The following CHODL variants were observed in gnomAD, a reference collection of about 807,000 sequenced individuals.
The protein encoded by CHODL is transmembrane protein MT75.
Under a neutral mutation model 34.5 loss-of-function variants are expected in CHODL, and 29 were observed. The ratio of observed to expected loss-of-function variants is 0.84; its 90% CI spans 0.63 to 1.15. The LOEUF (loss-of-function observed/expected upper bound fraction) is 1.15. Ranked by LOEUF, CHODL falls within the 50% of genes most tolerant of loss-of-function variation. The pLI is 0.00. For synonymous variants in CHODL, 125 were observed against 116.1 expected (o/e 1.08, Z -0.49); for missense variants, 332 against 332.5 (o/e 1.00, Z 0.01).
intron 1 of CHODL, among the ~76,000 whole-genome samples, chr21:17,918,882 C>T (rs2063162097): frequency 6.6e-6 from 1 of 152,186 alleles, no homozygotes. Flanking sequence ...TGCAGCCATT[C>T]CAAATGGGTG....
At chr21:17,963,817 C>G (rs200804) in intron 1 of CHODL, among the ~76,000 whole-genome samples, 1 of 151,844 alleles carries the variant, frequency 6.6e-6, no homozygotes, top group African/African-American at 2.4e-5. Context: ...TCCTCTGTCT[C>G]TCTTATATTC....
In CHODL at chr21:18,256,993, C is replaced by A. The variant is rs938855145; in HGVS notation, c.413C>A (p.Ser138Tyr). The A allele has an allele frequency of 1.7e-5, 27 of 1,613,388 alleles. No individual in the cohort carries two copies. The Admixed American group carries it at 4.3e-4, about 26-fold the overall frequency. Reference protein sequence around the residue: ...QYRNWYTDEPSCGSEKCVVMY... With the variant: ...QYRNWYTDEPYCGSEKCVVMY... Reference sequence around the variant, plus strand: ...AGAAACTGGTACACAGATGAACCTTCCTGCGGAAGTGAAAAGTGTGTTGTG... The same window carrying A: ...AGAAACTGGTACACAGATGAACCTTACTGCGGAAGTGAAAAGTGTGTTGTG... The change falls in exon 3 of 6, where the codon TCC (serine) becomes TAC (tyrosine). Residue 138 changes from serine to tyrosine, a missense_variant. Coordinates refer to ENST00000299295, the MANE Select transcript of CHODL (RefSeq NM_024944.3).
intron 2 of CHODL, among the ~76,000 whole-genome samples, chr21:18,216,698 A>G (rs968966509): frequency 2.6e-5 from 4 of 152,318 alleles, no homozygotes; most frequent in Non-Finnish European, 5.9e-5. Flanking sequence ...ACAGTTCCAC[A>G]TGGCTGGGGA....
At chr21:18,232,574 C>A (rs180764778) in intron 2 of CHODL, among the ~76,000 whole-genome samples, 6 of 151,886 alleles carry the variant, frequency 4.0e-5, no homozygotes, top group African/African-American at 1.5e-4. Flanking sequence ...CTTAGGTACC[C>A]ACAATATTGT....
intron 2 of CHODL, among the ~76,000 whole-genome samples, chr21:18,191,170 T>C (rs1474437820): frequency 6.6e-6 from 1 of 152,214 alleles, no homozygotes; most frequent in Non-Finnish European, 1.5e-5. Flanking sequence ...TATTAATTAA[T>C]TTTATTATCA....
At chr21:17,944,580 C>G (rs1229401083) in intron 1 of CHODL, among the ~76,000 whole-genome samples, 1 of 152,176 alleles carries the variant, frequency 6.6e-6, no homozygotes, top group Non-Finnish European at 1.5e-5. Flanking sequence ...TAGGGCCCAA[C>G]CTGCAGCCAT....
intron 1 of CHODL, among the ~76,000 whole-genome samples, chr21:17,927,892 C>T (rs1030961600): frequency 6.6e-6 from 1 of 152,168 alleles, no homozygotes; most frequent in Admixed American, 6.5e-5. Context: ...CTTCCACCTA[C>T]GCAACACACA....
rs369056738 is a variant in CHODL at position 18,127,779 on chromosome 21, C to A, written c.-45+99808C>A. Reference sequence around the variant, plus strand: ...GGGCACAGCTTATCTTTATCTTCTGCTCAGAGTCTCACAAAACTGCAGTTG... The same window carrying A: ...GGGCACAGCTTATCTTTATCTTCTGATCAGAGTCTCACAAAACTGCAGTTG... On this transcript the variant is annotated intron_variant, in intron 2 of 6. Coordinates refer to the CHODL transcript ENST00000400127. Among the ~76,000 whole-genome samples the A allele has an allele frequency of 5.1e-4, 72 of 140,176 alleles. 1 individual carries two copies. In the South Asian group the frequency reaches 0.015, roughly 29 times the overall value. The allele number at this position is 140,176 out of a possible 152,430, so 92.0% of individuals were successfully genotyped here. A position where few individuals can be genotyped will look rare whatever the true frequency, so the allele number is the denominator to read the frequency against.
At chr21:18,014,132 CAG>C (rs2064048366) in intron 1 of CHODL, among the ~76,000 whole-genome samples, 1 of 151,992 alleles carries the variant, frequency 6.6e-6, no homozygotes, top group South Asian at 2.1e-4. Context: ...TTGAGGGTGA[CAG>C]AGTCATGTGG....
At chr21:18,142,955 C>T (rs2072820351) in intron 2 of CHODL, among the ~76,000 whole-genome samples, 1 of 152,058 alleles carries the variant, frequency 6.6e-6, no homozygotes, top group Non-Finnish European at 1.5e-5. Context: ...GTTTTAGAAT[C>T]CCAGGATAAT....
Position 18,265,962 on chromosome 21 carries a change from G to T in CHODL, c.746G>T (p.Arg249Ile), listed in dbSNP as rs754898068. Residue 249 changes from arginine to isoleucine, a missense_variant, in exon 6 of 6, where the codon AGA becomes ATA. By Grantham distance (97) the Arg-to-Ile change is moderately conservative. Coordinates refer to ENST00000299295, the MANE Select transcript of CHODL (RefSeq NM_024944.3). ...CFQMLHKSKG[R>I]TKTSPNQSTL... ...TTTCTTATGTTTTTCAGTAAAGGAA[G>T]AACAAAAACTAGTCCAAACCAGTCT... 7 of 1,609,600 alleles carry T rather than the reference G, an allele frequency of 4.3e-6. No homozygotes were observed. The South Asian group carries it at 7.8e-5, about 18-fold the overall frequency.
chr21:18,017,162 G>A (rs2064083106), intron 1 of CHODL, among the ~76,000 whole-genome samples: 1 of 152,178 alleles, frequency 6.6e-6, no homozygotes, highest in Non-Finnish European at 1.5e-5. Flanking sequence ...GCATGATTGT[G>A]TTTTGAAATG....
intron 1 of CHODL, among the ~76,000 whole-genome samples, chr21:17,953,102 A>C (rs1195469657): frequency 6.6e-6 from 1 of 152,216 alleles, no homozygotes; most frequent in African/African-American, 2.4e-5. Flanking sequence ...GCCAAAACAT[A>C]TCAAGCAATA....
Position 18,245,042 on chromosome 21 carries a change from C to A in CHODL, c.-182C>A. 1 of 501,334 alleles carries A rather than the reference C, an allele frequency of 2.0e-6. No individual in the cohort carries two copies. Among genetic ancestry groups the A allele is most frequent in the Non-Finnish European group, 3.4e-6 (1 of 294,268 alleles). 31.1% of individuals were successfully genotyped at this position (501,334 alleles called of 1,614,324 possible). Reference sequence around the variant, plus strand: ...CCCGCACATCCACGCGCGGCACAGGCGCGGCAGGCGGCAGGTCCCGGCCGA... The same window carrying A: ...CCCGCACATCCACGCGCGGCACAGGAGCGGCAGGCGGCAGGTCCCGGCCGA... On this transcript the variant is annotated 5_prime_UTR_variant, in exon 1 of 6. Transcript: ENST00000299295.
intron 2 of CHODL, among the ~76,000 whole-genome samples, chr21:18,206,541 G>A (rs2146716059): frequency 6.7e-6 from 1 of 150,212 alleles, no homozygotes; most frequent in Non-Finnish European, 1.5e-5. Context: ...TAGGTGTTGT[G>A]TGTTTCTTTT....
intron 2 of CHODL, among the ~76,000 whole-genome samples, chr21:18,145,257 A>G (rs1023352395): frequency 8.1e-3 from 1 of 124 alleles, no homozygotes; most frequent in Non-Finnish European, 0.014. Flanking sequence ...TAACAAGGTG[A>G]AACCCCCGTC....
At chr21:18,079,640 T>A in intron 2 of CHODL, among the ~76,000 whole-genome samples, 1 of 151,476 alleles carries the variant, frequency 6.6e-6, no homozygotes, top group Non-Finnish European at 1.5e-5. Context: ...CACATTTTCT[T>A]TATACAATCA....
intron 2 of CHODL, among the ~76,000 whole-genome samples, chr21:18,193,705 AAAAAAT>A (rs1455293308): frequency 3.4e-5 from 5 of 146,424 alleles, no homozygotes; most frequent in South Asian, 4.2e-4. Flanking sequence ...CAGAAAAAAA[AAAAAAT>A]AAAATAAATA....
At chr21:18,247,324 T>C (rs985715252) in intron 1 of CHODL, among the ~76,000 whole-genome samples, 1 of 152,156 alleles carries the variant, frequency 6.6e-6, no homozygotes. Flanking sequence ...TTGCAACGTA[T>C]GGAATATATT....
Sources: gnomAD v4.1 joint callset for allele counts (sites outside exome capture counted in the v4.1 genomes callset) on GRCh38, gnomAD v4.1.1 for gene constraint, MANE v1.5 for transcripts, NCBI Gene and HGNC (gene_info 2026-07-23, HGNC 2026-07-21) for gene names.